Variants in TBC1D8 observed in about 807,000 individuals in gnomAD.
TBC1D8 encodes TBC1 domain family member 8.
Under a neutral mutation model 118.8 loss-of-function variants are expected in TBC1D8, and 65 were observed. The observed-to-expected ratio is 0.55, with a 90% confidence interval of 0.45 to 0.67. TBC1D8 has a LOEUF of 0.67. TBC1D8 is among the 30% of genes least tolerant of loss of function. TBC1D8 has a pLI of 0.00. For synonymous variants in TBC1D8, 566 were observed against 595.8 expected (o/e 0.95, Z 0.73); for missense variants, 1,376 against 1,471.2 (o/e 0.94, Z 1.06).
intron 15 of TBC1D8, among the ~76,000 whole-genome samples, chr2:101,024,825 A>G (rs1331372807): frequency 6.6e-6 from 1 of 152,206 alleles, no homozygotes; most frequent in Non-Finnish European, 1.5e-5. Context: ...AATCAGCAGC[A>G]CTGGGGTCCA....
chr2:101,117,437 C>A (rs1677868882), intron 1 of TBC1D8, among the ~76,000 whole-genome samples: 1 of 152,156 alleles, frequency 6.6e-6, no homozygotes, highest in African/African-American at 2.4e-5. Flanking sequence ...TTTCTATTTA[C>A]TAGTCATTAA....
intron 16 of TBC1D8, among the ~76,000 whole-genome samples, 175 bp from the exon 17 acceptor site, chr2:101,021,921 A>G (rs1449751650): frequency 6.6e-6 from 1 of 152,182 alleles, no homozygotes; most frequent in East Asian, 1.9e-4. Flanking sequence ...GCTGGTGACT[A>G]TGTGAGCTCC....
At chr2:101,029,281 C>A (rs1158607125) in intron 12 of TBC1D8, among the ~76,000 whole-genome samples, 1 of 151,746 alleles carries the variant, frequency 6.6e-6, no homozygotes, top group African/African-American at 2.4e-5. Context: ...CCCAGCTACT[C>A]GGGAGACTGA....
At chr2:101,105,053 A>T (rs1677111343) in intron 1 of TBC1D8, among the ~76,000 whole-genome samples, 1 of 151,782 alleles carries the variant, frequency 6.6e-6, no homozygotes, top group African/African-American at 2.4e-5. Flanking sequence ...AACTTCTACA[A>T]CATAACACAG....
intron 9 of TBC1D8, among the ~76,000 whole-genome samples, chr2:101,035,130 G>A (rs1680925367): frequency 6.6e-6 from 1 of 152,176 alleles, no homozygotes; most frequent in Non-Finnish European, 1.5e-5. Context: ...CCCAGGAAGA[G>A]TAACGGAGCA....
At chr2:101,135,590 C>G (rs910175989) in intron 1 of TBC1D8, among the ~76,000 whole-genome samples, 2 of 152,146 alleles carry the variant, frequency 1.3e-5, no homozygotes, top group Admixed American at 1.3e-4. Context: ...TCACATTCAG[C>G]GATATGCACT....
At chr2:101,076,350 T>C (rs1674818718) in intron 2 of TBC1D8, among the ~76,000 whole-genome samples, 1 of 152,222 alleles carries the variant, frequency 6.6e-6, no homozygotes, top group African/African-American at 2.4e-5. Flanking sequence ...GAGAATGCAA[T>C]GGAAGCTGTC....
rs549154267 is a variant in TBC1D8 at position 101,028,117 on chromosome 2, G to A, written c.2382C>T (p.Ile794=). Reference sequence around the variant, plus strand: ...TCCTGTGCTTGTAACGTAGGTGCTCGATCTGCTCCACAGACTGGTCTCCAA... The same window carrying A: ...TCCTGTGCTTGTAACGTAGGTGCTCAATCTGCTCCACAGACTGGTCTCCAA... ...EKFGDQSVEQ[I]EHLRYKHRIR... Residue 794 remains isoleucine (I), a synonymous_variant, in exon 14 of 20, where the codon ATC becomes ATT. Coordinates refer to ENST00000409318, the MANE Select transcript of TBC1D8 (RefSeq NM_001330348.2). The A allele has an allele frequency of 1.8e-5, 29 of 1,613,876 alleles. No homozygotes were observed. The highest frequency in any genetic ancestry group is 2.7e-5 in the African/African-American group (2 of 75,004).
At chr2:101,137,031 C>CT (rs34792672) in intron 1 of TBC1D8, among the ~76,000 whole-genome samples, 30,922 of 120,910 alleles carry the variant, frequency 0.26, 4,315 homozygotes, top group Non-Finnish European at 0.32. Context: ...TAGGCTAATT[C>CT]TTTTTTTTTT....
At chr2:101,140,261 A>T (rs1471491092) in intron 1 of TBC1D8, among the ~76,000 whole-genome samples, 1 of 152,238 alleles carries the variant, frequency 6.6e-6, no homozygotes, top group Non-Finnish European at 1.5e-5. Context: ...GAGAGGGAAT[A>T]AAATCCAGAA....
chr2:101,131,446 C>T (rs773005055), intron 1 of TBC1D8, among the ~76,000 whole-genome samples: 3 of 144,492 alleles, frequency 2.1e-5, no homozygotes, highest in African/African-American at 5.2e-5. Flanking sequence ...ACCCGGGAGG[C>T]AGAGGTTGCA....
intron 1 of TBC1D8, 64 bp downstream of exon 1, chr2:101,151,063 G>GCGGGCCCGGCGGGGTGCGAGGCCC: frequency 1.0e-6 from 1 of 968,052 alleles, no homozygotes. Flanking sequence ...ACTGGGGGCC[G>GCGGGCCCGGCGGGGTGCGAGGCCC]CGGGCCCGGC....
intron 1 of TBC1D8, among the ~76,000 whole-genome samples, chr2:101,110,457 T>C (rs1677517866): frequency 6.6e-6 from 1 of 152,118 alleles, no homozygotes; most frequent in Non-Finnish European, 1.5e-5. Context: ...CCTAACAGCT[T>C]TGGGCCCAGA....
At chr2:101,091,005 A>G (rs796176486) in intron 1 of TBC1D8, among the ~76,000 whole-genome samples, 12 of 152,324 alleles carry the variant, frequency 7.9e-5, no homozygotes, top group African/African-American at 2.9e-4. Context: ...AAAACCGGCC[A>G]GGAGTGGTGG....
intron 2 of TBC1D8, among the ~76,000 whole-genome samples, chr2:101,083,897 C>G (rs1675424980): frequency 6.6e-6 from 1 of 152,234 alleles, no homozygotes; most frequent in South Asian, 2.1e-4. Flanking sequence ...GCCCAAGGCA[C>G]TCCCAGAAGA....
At chr2:101,082,000 G>A (rs954092485) in intron 2 of TBC1D8, among the ~76,000 whole-genome samples, 4 of 152,118 alleles carry the variant, frequency 2.6e-5, no homozygotes, top group Non-Finnish European at 5.9e-5. Context: ...TTAGCCAGGC[G>A]TGGTGGCAGG....
intron 17 of TBC1D8, among the ~76,000 whole-genome samples, chr2:101,014,545 C>T (rs1679471687): frequency 6.6e-6 from 1 of 152,108 alleles, no homozygotes; most frequent in African/African-American, 2.4e-5. Flanking sequence ...TGTTTTTTCC[C>T]TGAGGGAGGC....
At chr2:101,102,681 AAGC>A (rs1676930102) in intron 1 of TBC1D8, among the ~76,000 whole-genome samples, 1 of 152,140 alleles carries the variant, frequency 6.6e-6, no homozygotes, top group African/African-American at 2.4e-5. Flanking sequence ...AATCAAAAGA[AAGC>A]AGGAGTAGCT....
chr2:101,112,746 T>C (rs1677661603), intron 1 of TBC1D8, among the ~76,000 whole-genome samples: 1 of 152,200 alleles, frequency 6.6e-6, no homozygotes, highest in Admixed American at 6.5e-5. Flanking sequence ...TCTTTTGGGC[T>C]CTTTCCAGAC....
Sources: allele counts gnomAD v4.1 joint callset (sites outside exome capture counted in the v4.1 genomes callset), GRCh38; gene constraint gnomAD v4.1.1; transcripts MANE v1.5; gene names NCBI Gene and HGNC (gene_info 2026-07-23, HGNC 2026-07-21).